The following KIAA1549L variants were observed in gnomAD, a reference collection of about 807,000 sequenced individuals.
KIAA1549L encodes the protein KIAA1549 like, also known as UPF0606 protein KIAA1549L.
A neutral mutation model predicts 160.7 loss-of-function variants in KIAA1549L; 88 were observed. The observed-to-expected ratio is 0.55, with a 90% CI of 0.46 to 0.65. The LOEUF (loss-of-function observed/expected upper bound fraction) is 0.65. KIAA1549L is among the 30% of genes least tolerant of loss of function. The pLI is 0.00. For missense variants in KIAA1549L, 2,258 were observed against 2,437.5 expected (o/e 0.93, Z 1.55); for synonymous variants, 950 against 976.7 (o/e 0.97, Z 0.51).
At chr11:33,437,268 T>C (rs1418895410) in intron 1 of KIAA1549L, among the ~76,000 whole-genome samples, 1 of 152,198 alleles carries the variant, frequency 6.6e-6, no homozygotes, top group Non-Finnish European at 1.5e-5. Context: ...ACTCTGGGGT[T>C]GTAGCCTTTC....
intron 1 of KIAA1549L, among the ~76,000 whole-genome samples, chr11:33,525,899 C>G (rs1185034378): frequency 6.6e-6 from 1 of 152,012 alleles, no homozygotes; most frequent in African/African-American, 2.4e-5. Flanking sequence ...CATAATTCTC[C>G]TGGGAACATA....
At chr11:33,495,808 T>C (rs1266214927) in intron 1 of KIAA1549L, among the ~76,000 whole-genome samples, 1 of 151,922 alleles carries the variant, frequency 6.6e-6, no homozygotes, top group African/African-American at 2.4e-5. Context: ...GACTTTTTAA[T>C]GATTGCCATT....
Position 33,542,225 on chromosome 11 carries a change from A to G in KIAA1549L, c.662A>G (p.Gln221Arg). ...GTSFSAVPPS[Q>R]PVWAGTSSIS... ...TCCTTCAGTGCTGTCCCCCCATCCC[A>G]GCCAGTATGGGCAGGGACTTCCTCC... The change falls in exon 2 of 21, where the codon CAG (glutamine) becomes CGG (arginine). Residue 221 changes from glutamine (Q) to arginine (R), a missense_variant. By Grantham distance (43) the Gln-to-Arg change is conservative. Around this residue, in one of 6 missense-constraint regions of KIAA1549L, gnomAD observed 540 missense variants for 465.7 expected, o/e 1.16. Coordinates refer to ENST00000658780, the MANE Select transcript of KIAA1549L (RefSeq NM_012194.3). 1 of 661,542 alleles carries G rather than the reference A, an allele frequency of 1.5e-6. No individual in the cohort carries two copies. The allele number at this position is 661,542 out of a possible 1,614,324, so 41.0% of individuals were successfully genotyped here.
At chr11:33,411,397 C>T (rs939853794) in intron 1 of KIAA1549L, among the ~76,000 whole-genome samples, 1 of 152,142 alleles carries the variant, frequency 6.6e-6, no homozygotes, top group African/African-American at 2.4e-5. Context: ...CTGGGGCAGC[C>T]TGCTCCTGCT....
intron 10 of KIAA1549L, among the ~76,000 whole-genome samples, chr11:33,576,766 G>A (rs1855462742): frequency 6.6e-6 from 1 of 152,200 alleles, no homozygotes; most frequent in Non-Finnish European, 1.5e-5. Context: ...TTGAGCATTG[G>A]TTGTGGTGCC....
intron 15 of KIAA1549L, among the ~76,000 whole-genome samples, chr11:33,618,216 G>C (rs1000915825): frequency 6.6e-6 from 1 of 152,220 alleles, no homozygotes; most frequent in Non-Finnish European, 1.5e-5. Context: ...CTGTCCTAGA[G>C]GGTCAAGGGA....
intron 1 of KIAA1549L, among the ~76,000 whole-genome samples, chr11:33,400,232 A>G (rs1850470558): frequency 6.6e-6 from 1 of 152,214 alleles, no homozygotes; most frequent in African/African-American, 2.4e-5. Flanking sequence ...ATGCTAGGTA[A>G]GGTTTCCAAA....
intron 16 of KIAA1549L, among the ~76,000 whole-genome samples, chr11:33,635,118 G>A (rs1268025821): frequency 1.3e-5 from 2 of 152,092 alleles, no homozygotes; most frequent in Non-Finnish European, 2.9e-5. Context: ...TACCATCATG[G>A]TCTTCTTCCC....
At chr11:33,418,114 A>C (rs1028813198) in intron 1 of KIAA1549L, among the ~76,000 whole-genome samples, 1 of 152,124 alleles carries the variant, frequency 6.6e-6, no homozygotes, top group African/African-American at 2.4e-5. Context: ...TTTCTTTATA[A>C]CAATATTCGC....
Position 33,544,800 on chromosome 11 carries a change from C to T in KIAA1549L, c.2807C>T (p.Ala936Val). ...GTATCATCTAAGGTACAGCCAACAGCAGCAGCTGCCGTCACATTGTTTCTG... is the reference window on the plus strand; with the variant it reads ...GTATCATCTAAGGTACAGCCAACAGTAGCAGCTGCCGTCACATTGTTTCTG... ...DTVSSKVQPT[A>V]AAAVTLFLRK... The change falls in exon 3 of 21, where the codon GCA becomes GTA. Residue 936 changes from alanine to valine, a missense_variant. Coordinates refer to ENST00000658780, the MANE Select transcript of KIAA1549L (RefSeq NM_012194.3). The T allele has an allele frequency of 6.2e-7, 1 of 1,607,552 alleles. No individual in the cohort carries two copies. The highest frequency in any genetic ancestry group is 8.5e-7 in the Non-Finnish European group (1 of 1,175,116).
intron 20 of KIAA1549L, chr11:33,665,527 C>A (rs1433216846): frequency 6.6e-6 from 1 of 152,408 alleles, no homozygotes; most frequent in Non-Finnish European, 1.5e-5. Context: ...TCTCTCTCTT[C>A]TGCCCTGCTC....
At position 33,656,107 on chromosome 11, in the gene KIAA1549L, G is replaced by A. The variant is rs1192233962; in HGVS notation, c.5856G>A (p.Arg1952=). The A allele has an allele frequency of 1.9e-6, 3 of 1,610,286 alleles. No individual in the cohort carries two copies. The highest frequency in any genetic ancestry group is 1.7e-6 in the Non-Finnish European group (2 of 1,176,958). ...GTCCTGTGGCTGTCGCTTCTCTCAG[G>A]CGGTAACACGTTCCTTTCTTTGTTT... ...RTGPVAVASL[R]RSTSDIGSKT... is the part of the protein sequence containing the mutation. Residue 1952 remains arginine (R), a splice_region_variant and synonymous_variant, in exon 18 of 21, where the codon AGG becomes AGA. Transcript: ENST00000658780.
intron 1 of KIAA1549L, among the ~76,000 whole-genome samples, chr11:33,445,282 G>T (rs751742281): frequency 6.6e-6 from 1 of 152,216 alleles, no homozygotes; most frequent in African/African-American, 2.4e-5. Context: ...AACAGTGGGA[G>T]TAGTAGGTGG....
intron 11 of KIAA1549L, among the ~76,000 whole-genome samples, chr11:33,585,318 A>C (rs571168979): frequency 4.9e-4 from 75 of 152,312 alleles, no homozygotes; most frequent in African/African-American, 1.8e-3. Flanking sequence ...CAGGAGTTTG[A>C]GACTAGCCTG....
chr11:33,673,961 T>C lies in KIAA1549L; in HGVS notation c.*5807T>C, dbSNP rs891463305. 1.3e-5 allele frequency: 2 copies of C among 152,194 alleles called. No homozygotes were observed. The highest frequency in any genetic ancestry group is 6.5e-5 in the Admixed American group (1 of 15,274). 9.4% of individuals were successfully genotyped at this position (152,194 alleles called of 1,614,324 possible). A position where few individuals can be genotyped will look rare whatever the true frequency, so the allele number is the denominator to read the frequency against. On this transcript the variant is annotated 3_prime_UTR_variant, in exon 21 of 21. Coordinates refer to ENST00000658780, the MANE Select transcript of KIAA1549L (RefSeq NM_012194.3). Reference sequence around the variant, plus strand: ...TTGGGCAAAGTACTGAGCAGAAGCTTTGAATGTAGCTGTTGTTATTTTAAT... The same window carrying C: ...TTGGGCAAAGTACTGAGCAGAAGCTCTGAATGTAGCTGTTGTTATTTTAAT...
At chr11:33,467,550 C>T (rs72911162) in intron 1 of KIAA1549L, among the ~76,000 whole-genome samples, 382 of 152,272 alleles carry the variant, frequency 2.5e-3, no homozygotes, top group Non-Finnish European at 4.2e-3. Flanking sequence ...TGACTGGTTG[C>T]CAGTTGAGGA....
chr11:33,410,555 T>C (rs914670764), intron 1 of KIAA1549L, among the ~76,000 whole-genome samples: 7 of 152,244 alleles, frequency 4.6e-5, no homozygotes, highest in African/African-American at 1.7e-4. Flanking sequence ...GTCCATCTCA[T>C]ACTTTGCTTT....
chr11:33,538,847 A>G (rs1336885119), intron 1 of KIAA1549L, among the ~76,000 whole-genome samples: 1 of 152,160 alleles, frequency 6.6e-6, no homozygotes, highest in Non-Finnish European at 1.5e-5. Context: ...AGGATTTGTC[A>G]TTTCCTTGCC....
chr11:33,382,892 A>AT (rs1452350646), intron 1 of KIAA1549L, among the ~76,000 whole-genome samples: 1 of 152,120 alleles, frequency 6.6e-6, no homozygotes, highest in East Asian at 1.9e-4. Flanking sequence ...ATACTGCAGC[A>AT]TTTGGGGGTT....
Sources: gnomAD v4.1 joint callset for allele counts (sites outside exome capture counted in the v4.1 genomes callset) on GRCh38, gnomAD v4.1.1 for gene constraint, gnomAD v4.1.1 regional missense constraint, MANE v1.5 for transcripts, NCBI Gene and HGNC (gene_info 2026-07-23, HGNC 2026-07-21) for gene names.